Variants in MCPH1 observed in about 807,000 individuals in gnomAD.
MCPH1 encodes microcephalin 1.
Under a neutral mutation model 84.5 loss-of-function variants are expected in MCPH1, and 104 were observed. The ratio of observed to expected loss-of-function variants is 1.23; its 90% CI spans 1.05 to 1.45. MCPH1 has a LOEUF of 1.45. Ranked by LOEUF, MCPH1 falls within the 40% of genes most tolerant of loss-of-function variation. The probability of loss-of-function intolerance (pLI) is 0.00; values close to 1 mark genes in which losing one functional copy is unlikely to be tolerated. For synonymous variants in MCPH1, 514 were observed against 366.8 expected (o/e 1.40, Z -4.58); for missense variants, 1,498 against 1,005.7 (o/e 1.49, Z -6.62).
At chr8:6,623,520 T>C (rs1203974820) in intron 13 of MCPH1, among the ~76,000 whole-genome samples, 1 of 152,106 alleles carries the variant, frequency 6.6e-6, no homozygotes. Context: ...AATAGACAAG[T>C]AGATACTGTG....
chr8:6,411,183 G>T (rs563122195), intron 2 of MCPH1, among the ~76,000 whole-genome samples: 1 of 152,286 alleles, frequency 6.6e-6, no homozygotes, highest in East Asian at 1.9e-4. Context: ...CACAGGCCTG[G>T]TTGAAGAGTT....
chr8:6,570,800 GTTGTTT>G (rs1563142358), intron 12 of MCPH1, among the ~76,000 whole-genome samples: 3 of 96,406 alleles, frequency 3.1e-5, no homozygotes, highest in African/African-American at 1.2e-4. Flanking sequence ...CAGATGGATT[GTTGTTT>G]TTTTTTTTTT....
chr8:6,598,917 A>G (rs975143240), intron 12 of MCPH1, among the ~76,000 whole-genome samples: 11 of 152,254 alleles, frequency 7.2e-5, no homozygotes, highest in African/African-American at 2.7e-4. Flanking sequence ...GTGAAAACAC[A>G]TGTGTGCACA....
chr8:6,604,957 A>G (rs188826652), intron 12 of MCPH1, among the ~76,000 whole-genome samples: 1 of 152,372 alleles, frequency 6.6e-6, no homozygotes, highest in East Asian at 1.9e-4. Context: ...AAACACTTTC[A>G]AAAGGAAAGA....
intron 12 of MCPH1, among the ~76,000 whole-genome samples, chr8:6,540,529 C>A (rs577552303): frequency 6.6e-6 from 1 of 152,328 alleles, no homozygotes; most frequent in East Asian, 1.9e-4. Flanking sequence ...GCACGTTATG[C>A]ATACCTGACA....
At chr8:6,518,489 A>G (rs1286143349) in intron 12 of MCPH1, among the ~76,000 whole-genome samples, 1 of 152,164 alleles carries the variant, frequency 6.6e-6, no homozygotes, top group Non-Finnish European at 1.5e-5. Context: ...TTAATGAATT[A>G]GAAAGGTTTC....
intron 12 of MCPH1, among the ~76,000 whole-genome samples, chr8:6,527,014 C>T (rs1020594225): frequency 3.9e-5 from 6 of 152,314 alleles, no homozygotes; most frequent in African/African-American, 7.2e-5. Flanking sequence ...TGTGCATTGG[C>T]TTACAGTATA....
chr8:6,409,478 C>G, intron 2 of MCPH1, 108 bp downstream of exon 2: 1 of 883,040 alleles, frequency 1.1e-6, no homozygotes. Context: ...CTGGACGAAG[C>G]AATGGGTAAG....
intron 12 of MCPH1, among the ~76,000 whole-genome samples, chr8:6,520,773 G>C (rs1817175307): frequency 6.6e-6 from 1 of 152,182 alleles, no homozygotes; most frequent in African/African-American, 2.4e-5. Context: ...AACCTGGCAA[G>C]ATAAGGGAAC....
intron 12 of MCPH1, among the ~76,000 whole-genome samples, chr8:6,524,090 C>T (rs977423643): frequency 6.6e-6 from 1 of 152,086 alleles, no homozygotes; most frequent in Non-Finnish European, 1.5e-5. Context: ...AAAACAGTGA[C>T]CAGATGTCAG....
intron 12 of MCPH1, among the ~76,000 whole-genome samples, chr8:6,594,619 C>G (rs1224525343): frequency 6.6e-6 from 1 of 152,088 alleles, no homozygotes; most frequent in African/African-American, 2.4e-5. Flanking sequence ...GGAGTATTGC[C>G]AACTGGCCTT....
chr8:6,563,788 C>T (rs924808311), intron 12 of MCPH1, among the ~76,000 whole-genome samples: 4 of 151,988 alleles, frequency 2.6e-5, no homozygotes, highest in Admixed American at 1.3e-4. Flanking sequence ...TTTTCATTTC[C>T]GAACAGTTGG....
chr8:6,454,143 C>G (rs1040468579), intron 8 of MCPH1, among the ~76,000 whole-genome samples: 2 of 152,156 alleles, frequency 1.3e-5, no homozygotes, highest in Non-Finnish European at 2.9e-5. Flanking sequence ...TTTTTAATCT[C>G]TGAGGGCACT....
At chr8:6,564,936 G>C (rs1278274560) in intron 12 of MCPH1, among the ~76,000 whole-genome samples, 2 of 152,226 alleles carry the variant, frequency 1.3e-5, no homozygotes, top group East Asian at 1.9e-4. Flanking sequence ...CTGTCACACA[G>C]AAAAGCTGGA....
chr8:6,560,554 G>C (rs1301533071), intron 12 of MCPH1, among the ~76,000 whole-genome samples: 1 of 152,166 alleles, frequency 6.6e-6, no homozygotes, highest in East Asian at 1.9e-4. Flanking sequence ...TCAGGTGCAC[G>C]TTGCTGAGAT....
At chr8:6,562,549 C>CTTTTTTTTTTTTTTTTT (rs1264718918) in intron 12 of MCPH1, 2 of 87,394 alleles carry the variant, frequency 2.3e-5, no homozygotes, top group African/African-American at 2.1e-4. Context: ...CTTCATCCTC[C>CTTTTTTTTTTTTTTTTT]TTCTTTTTTT....
chr8:6,464,882 CCAGCTACT>C (rs1806679456), intron 9 of MCPH1, among the ~76,000 whole-genome samples: 1 of 152,046 alleles, frequency 6.6e-6, no homozygotes, highest in African/African-American at 2.4e-5. Context: ...ACCTGTAGTC[CCAGCTACT>C]CGGGAGACTA....
chr8:6,487,048 C>T (rs1300639115), intron 11 of MCPH1, among the ~76,000 whole-genome samples: 2 of 152,300 alleles, frequency 1.3e-5, no homozygotes, highest in South Asian at 2.1e-4. Context: ...CTCTGTCCAG[C>T]ACAGTGAGGA....
At chr8:6,431,084 G>A (rs1801767960) in intron 3 of MCPH1, among the ~76,000 whole-genome samples, 1 of 152,180 alleles carries the variant, frequency 6.6e-6, no homozygotes. Flanking sequence ...CCCAATTTTG[G>A]AGGAAAGAGA....
Sources: gnomAD v4.1 joint callset for allele counts (sites outside exome capture counted in the v4.1 genomes callset) on GRCh38, gnomAD v4.1.1 for gene constraint, MANE v1.5 for transcripts, NCBI Gene and HGNC (gene_info 2026-07-23, HGNC 2026-07-21) for gene names.